NUDCD3: variants seen among roughly 807,000 people sequenced by gnomAD.
NUDCD3 encodes the protein nudC domain-containing protein 3.
In NUDCD3, 13 loss-of-function variants were observed where a neutral mutation model predicts 39.7. The observed-to-expected ratio is 0.33, with a 90% CI of 0.21 to 0.52. The LOEUF (loss-of-function observed/expected upper bound fraction) is 0.52, where lower values mean the gene tolerates loss of function less well. Among genes scored for constraint, NUDCD3 ranks in the 20% least tolerant of loss-of-function variants. NUDCD3 has a pLI of 0.96. For synonymous variants in NUDCD3, 175 were observed against 172.4 expected (o/e 1.02, Z -0.12); for missense variants, 453 against 458.1 (o/e 0.99, Z 0.10).
At chr7:44,463,020 T>A (rs1222487569) in intron 2 of NUDCD3, among the ~76,000 whole-genome samples, 2 of 151,920 alleles carry the variant, frequency 1.3e-5, no homozygotes, top group East Asian at 1.9e-4. Context: ...ATTTATAGTA[T>A]CTTTTGCATT....
Position 44,490,413 on chromosome 7 carries a change from A to G in NUDCD3, c.188T>C (p.Leu63Pro). 6.4e-7 allele frequency: 1 copy of G among 1,558,384 alleles called. No individual in the cohort carries two copies. The highest frequency in any genetic ancestry group is 8.7e-7 in the Non-Finnish European group (1 of 1,153,078). ...FPPGAAQALV[L>P]QVFKTFDHMA... ...CCGCAGGCCCGCCCGCCTCACCTGCAGCACCAAGGCCTGCGCGGCCCCGGG... is the reference window on the plus strand; with the variant it reads ...CCGCAGGCCCGCCCGCCTCACCTGCGGCACCAAGGCCTGCGCGGCCCCGGG... The change falls in exon 1 of 6, where the codon CTG becomes CCG. Residue 63 changes from leucine to proline, a missense_variant. By Grantham distance (98) the Leu-to-Pro change is moderately conservative. Transcript: ENST00000355451.
intron 5 of NUDCD3, among the ~76,000 whole-genome samples, chr7:44,387,446 T>C (rs1410598343): frequency 6.6e-6 from 1 of 152,194 alleles, no homozygotes; most frequent in African/African-American, 2.4e-5. Context: ...ATCAGAGACT[T>C]TGGAAAGACC....
In NUDCD3 at chr7:44,426,669, G is replaced by A. The variant is rs1356696814; in HGVS notation, c.642+902C>T. 1.4e-4 allele frequency among the ~76,000 whole-genome samples: 21 copies of A among 151,244 alleles called. No individual in the cohort carries two copies. In the South Asian group the frequency reaches 1.7e-3, roughly 12 times the overall value. On this transcript the variant is annotated intron_variant, in intron 3 of 5. Transcript: ENST00000355451. ...AAATTAGCCGGGCGTAGTGGCGGGC[G>A]CCTGTAGTCCCAGCTACTTGGGAGG...
At chr7:44,465,911 G>C (rs1563185532) in intron 2 of NUDCD3, among the ~76,000 whole-genome samples, 1 of 152,210 alleles carries the variant, frequency 6.6e-6, no homozygotes, top group South Asian at 2.1e-4. Flanking sequence ...GGGTGCAAGA[G>C]AGTCAAATCT....
At chr7:44,470,404 C>T (rs1800230654) in intron 2 of NUDCD3, among the ~76,000 whole-genome samples, 1 of 152,156 alleles carries the variant, frequency 6.6e-6, no homozygotes, top group African/African-American at 2.4e-5. Context: ...ATGACTTATT[C>T]CAGAGGGTCT....
In NUDCD3 at chr7:44,385,399, G is replaced by C. The variant is rs1304096216; in HGVS notation, c.*612C>G. The C allele has an allele frequency of 6.6e-6, 1 of 152,340 alleles. No individual in the cohort carries two copies. The highest frequency in any genetic ancestry group is 1.9e-4 in the East Asian group (1 of 5,190). The allele number at this position is 152,340 out of a possible 1,614,324, so 9.4% of individuals were successfully genotyped here. A position where few individuals can be genotyped will look rare whatever the true frequency, so the allele number is the denominator to read the frequency against. ...TCCGAACAACTAGAACGTGCAAACA[G>C]GGCTCCAGTCTCCACTGCTCTGACC... On this transcript the variant is annotated 3_prime_UTR_variant, in exon 6 of 6. Transcript: ENST00000355451.
chr7:44,407,393 C>T (rs945603291), intron 3 of NUDCD3, among the ~76,000 whole-genome samples: 1 of 151,528 alleles, frequency 6.6e-6, no homozygotes, highest in Non-Finnish European at 1.5e-5. Context: ...TGGAGAAACC[C>T]CGTCTCTACC....
rs116354501 is a variant in NUDCD3 at position 44,436,891 on chromosome 7, A to T, written c.510-9188T>A. On this transcript the variant is annotated intron_variant, in intron 2 of 5. Transcript: ENST00000355451. ...AAAGACGTCTATCTGGTCAACACAA[A>T]TTCTTCATTTTAATATAGTCAAACG... Among the ~76,000 whole-genome samples, 1,221 of 152,220 alleles carry T rather than the reference A, an allele frequency of 8.0e-3. 9 individuals carry two copies. The highest frequency in any genetic ancestry group is 0.027 in the African/African-American group (1,135 of 41,536).
rs997379078 is a variant in NUDCD3, at chr7:44,381,068, G to A, written c.*4943C>T. On this transcript the variant is annotated 3_prime_UTR_variant, in exon 6 of 6. Coordinates refer to ENST00000355451, the MANE Select transcript of NUDCD3 (RefSeq NM_015332.4). Reference sequence around the variant, plus strand: ...CCTCATAGCATGGGGTCAGTGCAGCGGCAATGTCTGGGTTGTTGAGGGTTT... The same window carrying A: ...CCTCATAGCATGGGGTCAGTGCAGCAGCAATGTCTGGGTTGTTGAGGGTTT... 3.3e-5 allele frequency: 5 copies of A among 152,326 alleles called. No homozygotes were observed. The highest frequency in any genetic ancestry group is 1.3e-4 in the Admixed American group (2 of 15,286). The allele number at this position is 152,326 out of a possible 1,614,324, so 9.4% of individuals were successfully genotyped here. A position where few individuals can be genotyped will look rare whatever the true frequency, so the allele number is the denominator to read the frequency against.
intron 3 of NUDCD3, among the ~76,000 whole-genome samples, chr7:44,415,195 A>T (rs1448437682): frequency 6.6e-6 from 1 of 152,216 alleles, no homozygotes; most frequent in African/African-American, 2.4e-5. Flanking sequence ...AAATCTCTGG[A>T]GTTTAATTTT....
intron 2 of NUDCD3, chr7:44,468,019 T>C (rs1585099460): frequency 6.2e-7 from 1 of 1,612,902 alleles, no homozygotes; most frequent in Non-Finnish European, 8.5e-7. Context: ...CCAGAGGCAC[T>C]GACAACAGGG....
At chr7:44,432,844 CCTCA>C (rs1799390477) in intron 2 of NUDCD3, among the ~76,000 whole-genome samples, 2 of 152,222 alleles carry the variant, frequency 1.3e-5, no homozygotes, top group Non-Finnish European at 2.9e-5. Flanking sequence ...CACCTGTTGA[CCTCA>C]CTGTCCCCTC....
chr7:44,436,785 T>C lies in NUDCD3; in HGVS notation c.510-9082A>G, dbSNP rs570201008. On this transcript the variant is annotated intron_variant, in intron 2 of 5. Transcript: ENST00000355451. ...CTGTAATTTCTTTGATGTGTAGAAG[T>C]TCTTTATATATGTGGATAAGAATTA... Among the ~76,000 whole-genome samples the C allele has an allele frequency of 4.7e-4, 71 of 152,332 alleles. No homozygotes were observed. In the South Asian group the frequency reaches 0.013, roughly 29 times the overall value.
At chr7:44,422,988 TA>T (rs1303271070) in intron 3 of NUDCD3, among the ~76,000 whole-genome samples, 2 of 152,180 alleles carry the variant, frequency 1.3e-5, no homozygotes, top group African/African-American at 4.8e-5. Context: ...TGGTTCAACA[TA>T]TGAAAATCAA....
Position 44,490,576 on chromosome 7 carries a change from A to G in NUDCD3, c.25T>C (p.Tyr9His). Reference protein sequence around the residue: METGAAELYDQALLGILQH... With the variant: METGAAELHDQALLGILQH... ...AGGATGCCCAAAAGGGCCTGGTCATACAGCTCGGCCGCCCCTGTCTCCATG... is the reference window on the plus strand; with the variant it reads ...AGGATGCCCAAAAGGGCCTGGTCATGCAGCTCGGCCGCCCCTGTCTCCATG... Residue 9 changes from tyrosine (Y) to histidine (H), a missense_variant, in exon 1 of 6, where the codon TAT becomes CAT. Transcript: ENST00000355451. The G allele has an allele frequency of 6.2e-7, 1 of 1,610,648 alleles. No individual in the cohort carries two copies. The highest frequency in any genetic ancestry group is 8.5e-7 in the Non-Finnish European group (1 of 1,178,556).
intron 2 of NUDCD3, among the ~76,000 whole-genome samples, chr7:44,432,559 C>T (rs944311219): frequency 1.3e-5 from 2 of 152,218 alleles, no homozygotes; most frequent in Admixed American, 1.3e-4. Context: ...GGTGTTTGCA[C>T]AGAAATGTCA....
At chr7:44,463,040 C>T (rs1219000623) in intron 2 of NUDCD3, among the ~76,000 whole-genome samples, 1 of 151,694 alleles carries the variant, frequency 6.6e-6, no homozygotes, top group African/African-American at 2.4e-5. Flanking sequence ...TGTATGAGTG[C>T]CCATGGCCCT....
In NUDCD3 at chr7:44,412,951, A is replaced by AAAAAAAAG. The variant is rs1554489215; in HGVS notation, c.643-8369_643-8368insCTTTTTTT. 3.5e-4 allele frequency among the ~76,000 whole-genome samples: 51 copies of AAAAAAAAG among 144,484 alleles called. 1 individual carries two copies. The highest frequency in any genetic ancestry group is 6.9e-4 in the Admixed American group (10 of 14,484). 94.8% of individuals were successfully genotyped at this position (144,484 alleles called of 152,430 possible). A position where few individuals can be genotyped will look rare whatever the true frequency, so the allele number is the denominator to read the frequency against. On this transcript the variant is annotated intron_variant, in intron 3 of 5. Coordinates refer to ENST00000355451, the MANE Select transcript of NUDCD3 (RefSeq NM_015332.4). Reference sequence around the variant, plus strand: ...CAAAAAAAAAAAAAAAAGAAAAAAAAAAAGAAAGAAACCATTGACCATTGG... The same window carrying AAAAAAAAG: ...CAAAAAAAAAAAAAAAAGAAAAAAAAAAAAAAAGAAAGAAAGAAACCATTGACCATTGG...
intron 3 of NUDCD3, among the ~76,000 whole-genome samples, chr7:44,417,464 A>G (rs1351143273): frequency 6.6e-6 from 1 of 152,246 alleles, no homozygotes; most frequent in Non-Finnish European, 1.5e-5. Context: ...AGTCAAAAAA[A>G]GAGAAAATAA....
Sources: gnomAD v4.1 joint callset for allele counts (sites outside exome capture counted in the v4.1 genomes callset) on GRCh38, gnomAD v4.1.1 for gene constraint, MANE v1.5 for transcripts, NCBI Gene and HGNC (gene_info 2026-07-23, HGNC 2026-07-21) for gene names.